Variants in FBXL7 observed in about 807,000 individuals in gnomAD.
FBXL7 encodes the protein F-box and leucine rich repeat protein 7.
FBXL7 carries 12 observed loss-of-function variants against 38.3 expected under a neutral mutation model. That is an observed-to-expected ratio of 0.31 (90% CI 0.20 to 0.51). FBXL7 has a LOEUF of 0.51. Among genes scored for constraint, FBXL7 ranks in the 20% least tolerant of loss-of-function variants. The pLI is 0.98. For missense variants in FBXL7, 567 were observed against 676.4 expected, an observed-to-expected ratio of 0.84 and a Z score of 1.79; for synonymous variants, 297 against 300.9, an observed-to-expected ratio of 0.99 and a Z score of 0.13.
chr5:15,731,669 G>C (rs986193610), intron 2 of FBXL7, among the ~76,000 whole-genome samples: 1 of 152,204 alleles, frequency 6.6e-6, no homozygotes, highest in African/African-American at 2.4e-5. Flanking sequence ...CTTCATGAAA[G>C]CCTTTCTTTA....
At chr5:15,721,918 T>A (rs539360970) in intron 2 of FBXL7, among the ~76,000 whole-genome samples, 2 of 152,260 alleles carry the variant, frequency 1.3e-5, no homozygotes, top group South Asian at 4.1e-4. Context: ...CACTGCAACC[T>A]CTGCCTCCCA....
At chr5:15,797,781 G>T (rs904235901) in intron 2 of FBXL7, among the ~76,000 whole-genome samples, 1 of 150,762 alleles carries the variant, frequency 6.6e-6, no homozygotes, top group South Asian at 2.2e-4. Flanking sequence ...ACAGATTTCA[G>T]TAATAGCCTA....
At chr5:15,865,868 A>C (rs1033819534) in intron 2 of FBXL7, among the ~76,000 whole-genome samples, 3 of 152,216 alleles carry the variant, frequency 2.0e-5, no homozygotes, top group South Asian at 4.1e-4. Context: ...AAAAAATTAA[A>C]AGTGCTTCAA....
rs111663769 is a variant in FBXL7 at position 15,501,171 on chromosome 5, C to T, written c.37+458C>T. Among the ~76,000 whole-genome samples, 845 of 152,240 alleles carry T rather than the reference C, an allele frequency of 5.6e-3. 10 individuals carry two copies. Among genetic ancestry groups the T allele is most frequent in the African/African-American group, 0.02 (814 of 41,544 alleles). ...AGAAGTTAAGTTTCCATTCTTTGCT[C>T]GCTGCTCCTGCTCTGACAGCTTCAT... On this transcript the variant is annotated intron_variant, in intron 1 of 3. Transcript: ENST00000504595.
At chr5:15,597,946 AG>A (rs1739673203) in intron 1 of FBXL7, among the ~76,000 whole-genome samples, 2 of 152,216 alleles carry the variant, frequency 1.3e-5, no homozygotes, top group Non-Finnish European at 2.9e-5. Context: ...TTCCAGTTTC[AG>A]GCAAGATTTA....
intron 2 of FBXL7, among the ~76,000 whole-genome samples, chr5:15,917,646 G>A (rs1378235544): frequency 1.9e-4 from 9 of 48,200 alleles, no homozygotes; most frequent in African/African-American, 9.5e-4. Flanking sequence ...GGAAGGGAGG[G>A]AAGGAAGGAA....
chr5:15,533,083 T>G (rs1737476087), intron 1 of FBXL7, among the ~76,000 whole-genome samples: 1 of 152,172 alleles, frequency 6.6e-6, no homozygotes, highest in Non-Finnish European at 1.5e-5. Context: ...AATGGGGATA[T>G]CCAGTGGACA....
At position 15,937,307 on chromosome 5, in the gene FBXL7, T is replaced by C. The variant is rs1742225251; in HGVS notation, c.*121T>C. On this transcript the variant is annotated 3_prime_UTR_variant, in exon 4 of 4. Coordinates refer to ENST00000504595, the MANE Select transcript of FBXL7 (RefSeq NM_012304.5). ...CAGCTCTTTCTTCCGGGAAGGTTAT[T>C]AGGAATCTGGCCTTTATTTTTCCTC... 9 of 1,235,356 alleles carry C rather than the reference T, an allele frequency of 7.3e-6. No individual in the cohort carries two copies. Among genetic ancestry groups the C allele is most frequent in the Non-Finnish European group, 9.8e-6 (9 of 919,922 alleles). 76.5% of individuals were successfully genotyped at this position (1,235,356 alleles called of 1,614,324 possible).
intron 2 of FBXL7, among the ~76,000 whole-genome samples, chr5:15,714,236 G>C (rs1366003734): frequency 6.6e-6 from 1 of 152,126 alleles, no homozygotes; most frequent in Admixed American, 6.5e-5. Context: ...AATAGTGAGC[G>C]AGCTCTCATG....
intron 2 of FBXL7, among the ~76,000 whole-genome samples, chr5:15,885,463 A>T (rs1387104125): frequency 1.3e-5 from 2 of 152,234 alleles, no homozygotes; most frequent in Non-Finnish European, 2.9e-5. Flanking sequence ...TTACACAAGT[A>T]TATAAATTCC....
intron 2 of FBXL7, among the ~76,000 whole-genome samples, chr5:15,730,622 G>A (rs1735556384): frequency 6.6e-6 from 1 of 152,088 alleles, no homozygotes; most frequent in Non-Finnish European, 1.5e-5. Flanking sequence ...GGTTAGATTT[G>A]GTTTGGTTTT....
intron 2 of FBXL7, among the ~76,000 whole-genome samples, chr5:15,762,721 A>G (rs951842386): frequency 4.6e-5 from 7 of 152,286 alleles, no homozygotes; most frequent in African/African-American, 9.6e-5. Context: ...AATATTTTCA[A>G]TTGTCTAAGT....
chr5:15,799,944 T>G (rs546597366), intron 2 of FBXL7, among the ~76,000 whole-genome samples: 2 of 152,204 alleles, frequency 1.3e-5, no homozygotes, highest in Non-Finnish European at 2.9e-5. Context: ...TTTATTTTGT[T>G]GTTTTAATTA....
Position 15,500,728 on chromosome 5 carries a change from C to G in FBXL7, c.37+15C>G, listed in dbSNP as rs547048957. ...CGGCAGTGAGGGTGAGTGGGCCGCC[C>G]GTCCTCAGACTCCCGGATCGCGTCC... On this transcript the variant is annotated intron_variant, in intron 1 of 3. Transcript: ENST00000504595. 4.2e-5 allele frequency: 68 copies of G among 1,604,010 alleles called. No homozygotes were observed. In the East Asian group the frequency reaches 1.3e-3, roughly 31 times the overall value.
intron 1 of FBXL7, among the ~76,000 whole-genome samples, chr5:15,538,380 C>G (rs1240719078): frequency 6.6e-6 from 1 of 152,094 alleles, no homozygotes; most frequent in Non-Finnish European, 1.5e-5. Flanking sequence ...GTAGAAATAG[C>G]CCAAATTTTG....
At chr5:15,737,522 T>C (rs1045639493) in intron 2 of FBXL7, among the ~76,000 whole-genome samples, 7 of 152,190 alleles carry the variant, frequency 4.6e-5, no homozygotes, top group Non-Finnish European at 8.8e-5. Flanking sequence ...TTGCATGATC[T>C]GAGGACTTGG....
At chr5:15,541,443 G>GTGTGTATATATA (rs1264820921) in intron 1 of FBXL7, among the ~76,000 whole-genome samples, 4 of 38,442 alleles carry the variant, frequency 1.0e-4, no homozygotes, top group African/African-American at 2.8e-4. Flanking sequence ...GTGTGTGTGT[G>GTGTGTATATATA]TATATATATA....
In FBXL7 at chr5:15,927,962, T is replaced by A. The variant is rs758825041; in HGVS notation, c.200T>A (p.Phe67Tyr). 25 of 1,576,700 alleles carry A rather than the reference T, an allele frequency of 1.6e-5. No homozygotes were observed. The highest frequency in any genetic ancestry group is 2.1e-5 in the Non-Finnish European group (24 of 1,159,700). Reference sequence around the variant, plus strand: ...ATATGTCCACCGAATCTCCCAGGATTTCAGAATGGAAGGGGCTCGTCCACC... The same window carrying A: ...ATATGTCCACCGAATCTCCCAGGATATCAGAATGGAAGGGGCTCGTCCACC... ...ALICPPNLPG[F>Y]QNGRGSSTSS... Residue 67 changes from phenylalanine to tyrosine, a missense_variant, in exon 3 of 4, where the codon TTT (phenylalanine) becomes TAT (tyrosine). By Grantham distance (22) the Phe-to-Tyr change is conservative. Transcript: ENST00000504595.
chr5:15,923,782 C>T (rs1298131772), intron 2 of FBXL7, among the ~76,000 whole-genome samples: 4 of 152,118 alleles, frequency 2.6e-5, no homozygotes, highest in East Asian at 1.9e-4. Flanking sequence ...GTAAAAGAGA[C>T]ATCCAGCTTT....
Sources: gnomAD v4.1 joint callset for allele counts (sites outside exome capture counted in the v4.1 genomes callset) on GRCh38, gnomAD v4.1.1 for gene constraint, MANE v1.5 for transcripts, NCBI Gene and HGNC (gene_info 2026-07-23, HGNC 2026-07-21) for gene names.